The following ZNF705G variants were observed in gnomAD, a reference collection of about 807,000 sequenced individuals.
ZNF705G encodes the protein putative zinc finger protein 705G.
ZNF705G carries 23 observed loss-of-function variants against 19.6 expected under a neutral mutation model. That is an observed-to-expected ratio of 1.17 (90% CI 0.84 to 1.66). The LOEUF is 1.66. Ranked by LOEUF, ZNF705G falls within the 40% of genes most tolerant of loss-of-function variation. The pLI, the probability that ZNF705G is intolerant of heterozygous loss-of-function variation, is 0.00. For missense variants in ZNF705G, 457 were observed against 354.4 expected (o/e 1.29, Z -2.32); for synonymous variants, 146 against 117.7 (o/e 1.24, Z -1.56).
chr8:7,360,133 T>C, intron 5 of ZNF705G, 104 bp downstream of exon 5: 6 of 1,326,924 alleles, frequency 4.5e-6, no homozygotes, highest in Non-Finnish European at 6.2e-6. Context: ...ACCTACATTT[T>C]AGAAATTATC....
At position 7,357,725 on chromosome 8, in the gene ZNF705G, C is replaced by T; in HGVS notation, c.*251G>A. On this transcript the variant is annotated 3_prime_UTR_variant, in exon 7 of 7. Coordinates refer to ENST00000400156, the MANE Select transcript of ZNF705G (RefSeq NM_001164457.3). ...ACTGAAGTATCTTCCATGTTGATTA[C>T]AGTATTTCTTCAAAATGTGAGTCCT... 1.5e-6 allele frequency: 1 copy of T among 668,082 alleles called. No homozygotes were observed. Among genetic ancestry groups the T allele is most frequent in the Admixed American group, 3.1e-5 (1 of 32,448 alleles). The allele number at this position is 668,082 out of a possible 1,614,324, so 41.4% of individuals were successfully genotyped here.
intron 2 of ZNF705G, among the ~76,000 whole-genome samples, chr8:7,368,040 T>G (rs1480711977): frequency 6.7e-6 from 1 of 149,666 alleles, no homozygotes; most frequent in African/African-American, 2.6e-5. Context: ...TCTTAAAGTC[T>G]TCAGATGCTC....
chr8:7,368,394 A>C (rs182802128), intron 2 of ZNF705G, among the ~76,000 whole-genome samples: 20 of 149,774 alleles, frequency 1.3e-4, no homozygotes, highest in Admixed American at 6.6e-4. Context: ...GACAAACTAG[A>C]GTCTTCTGGA....
intron 2 of ZNF705G, among the ~76,000 whole-genome samples, chr8:7,365,250 A>G (rs1048055475): frequency 6.7e-6 from 1 of 149,670 alleles, no homozygotes; most frequent in Non-Finnish European, 1.5e-5. Flanking sequence ...TAAAATTTTC[A>G]TTAATTCGTG....
At chr8:7,365,897 C>G (rs1806834230) in intron 2 of ZNF705G, among the ~76,000 whole-genome samples, 1 of 149,460 alleles carries the variant, frequency 6.7e-6, no homozygotes, top group Non-Finnish European at 1.5e-5. Flanking sequence ...TAACTGATGT[C>G]TATATTGTTT....
rs1418515531 is a variant in ZNF705G at position 7,355,902 on chromosome 8, C to T, written c.*2074G>A. The T allele has an allele frequency of 1.3e-5, 2 of 149,594 alleles. No homozygotes were observed. The highest frequency in any genetic ancestry group is 2.9e-5 in the Non-Finnish European group (2 of 68,024). The allele number at this position is 149,594 out of a possible 1,614,324, so 9.3% of individuals were successfully genotyped here. On this transcript the variant is annotated 3_prime_UTR_variant, in exon 7 of 7. Transcript: ENST00000400156. ...TCATTATCCTCACACTTGACATAAA[C>T]CCTGGCTGCAGAGTAAAATCAATCA...
At chr8:7,362,903 A>C in intron 3 of ZNF705G, 32 bp downstream of exon 3, 1 of 1,582,670 alleles carries the variant, frequency 6.3e-7, no homozygotes, top group East Asian at 2.2e-5. Context: ...ATATGGGTAT[A>C]ATTTCAGTAG....
chr8:7,360,841 C>A (rs1806549089), intron 4 of ZNF705G, among the ~76,000 whole-genome samples: 1 of 149,368 alleles, frequency 6.7e-6, no homozygotes, highest in Non-Finnish European at 1.5e-5. Context: ...GTTCCCAGGT[C>A]TGTTATGAGT....
chr8:7,383,396 G>A lies in ZNF705G; in HGVS notation c.-221-1795C>T, dbSNP rs1450175048. On this transcript the variant is annotated intron_variant, in intron 1 of 6. Transcript: ENST00000400156. The stretch of plus-strand genomic sequence containing the variant: ...ACATCTCTCTTCTTCTCTACACTGT[G>A]AGCTTCTAAAGTAACAGGCACTGTC... 1.4e-5 allele frequency among the ~76,000 whole-genome samples: 2 copies of A among 146,366 alleles called. 1 individual carries two copies. The highest frequency in any genetic ancestry group is 5.6e-5 in the African/African-American group (2 of 35,910).
At position 7,374,923 on chromosome 8, in the gene ZNF705G, C is replaced by T. The variant is rs1807199852; in HGVS notation, c.-72+6529G>A. On this transcript the variant is annotated intron_variant, in intron 2 of 6. Transcript: ENST00000400156. ...AATACACAAGGTTTACAAGAAAGAA[C>T]AAATGAAAACGAAAGATTTTTAAAA... is the stretch of plus-strand genomic sequence containing the variant. Among the ~76,000 whole-genome samples, 3 of 94,526 alleles carry T rather than the reference C, an allele frequency of 3.2e-5. 1 individual carries two copies. The highest frequency in any genetic ancestry group is 6.2e-5 in the Non-Finnish European group (3 of 48,182). 62.0% of individuals were successfully genotyped at this position (94,526 alleles called of 152,430 possible). A position where few individuals can be genotyped will look rare whatever the true frequency, so the allele number is the denominator to read the frequency against.
intron 2 of ZNF705G, among the ~76,000 whole-genome samples, chr8:7,366,489 C>T (rs1385127835): frequency 6.7e-6 from 1 of 149,296 alleles, no homozygotes; most frequent in Non-Finnish European, 1.5e-5. Flanking sequence ...TAAAATACAG[C>T]AATAGAAGAC....
rs1332804460 is a variant in ZNF705G at position 7,359,281 on chromosome 8, T to A, written c.318+338A>T. On this transcript the variant is annotated intron_variant, in intron 6 of 6. Transcript: ENST00000400156. ...GACTTGTCTTGTCATTTTTCTCGAT[T>A]GACAATTGCATACACATTATCTCCT... is the stretch of plus-strand genomic sequence containing the variant. 2.0e-5 allele frequency among the ~76,000 whole-genome samples: 3 copies of A among 149,688 alleles called. 1 individual carries two copies. Among genetic ancestry groups the A allele is most frequent in the Admixed American group, 6.6e-5 (1 of 15,230 alleles).
intron 3 of ZNF705G, among the ~76,000 whole-genome samples, 179 bp downstream of exon 3, chr8:7,362,756 C>T (rs1322092889): frequency 1.3e-5 from 2 of 149,172 alleles, no homozygotes; most frequent in Non-Finnish European, 2.9e-5. Flanking sequence ...TAATGGGGGG[C>T]CAGATACCTG....
At chr8:7,370,779 C>A (rs1317047159) in intron 2 of ZNF705G, among the ~76,000 whole-genome samples, 1 of 119,744 alleles carries the variant, frequency 8.4e-6, no homozygotes. Context: ...TTCATTGCAG[C>A]ACTATTCACA....
At chr8:7,368,381 C>A (rs537326652) in intron 2 of ZNF705G, among the ~76,000 whole-genome samples, 9 of 149,508 alleles carry the variant, frequency 6.0e-5, no homozygotes, top group Non-Finnish European at 1.2e-4. Flanking sequence ...CAACAAGAAA[C>A]CAGACAAACT....
intron 6 of ZNF705G, 55 bp downstream of exon 6, chr8:7,359,564 A>T: frequency 6.2e-7 from 1 of 1,600,252 alleles, no homozygotes; most frequent in South Asian, 1.1e-5. Flanking sequence ...TACTAACTTA[A>T]TCCATTAACA....
At chr8:7,363,954 C>T (rs1210103671) in intron 2 of ZNF705G, among the ~76,000 whole-genome samples, 1 of 149,534 alleles carries the variant, frequency 6.7e-6, no homozygotes, top group Non-Finnish European at 1.5e-5. Flanking sequence ...TACCCCGAGT[C>T]ATGGTGTTTC....
intron 3 of ZNF705G, among the ~76,000 whole-genome samples, chr8:7,361,461 G>A (rs188289142): frequency 6.7e-6 from 1 of 149,746 alleles, no homozygotes; most frequent in Non-Finnish European, 1.5e-5. Flanking sequence ...AATATCACAT[G>A]AGGTGTGGCA....
chr8:7,357,369 C>T lies in ZNF705G; in HGVS notation c.*607G>A, dbSNP rs1053833541. 6.4e-6 allele frequency: 1 copy of T among 155,488 alleles called. No homozygotes were observed. Among genetic ancestry groups the T allele is most frequent in the South Asian group, 1.9e-4 (1 of 5,238 alleles). 9.6% of individuals were successfully genotyped at this position (155,488 alleles called of 1,614,324 possible). On this transcript the variant is annotated 3_prime_UTR_variant, in exon 7 of 7. Transcript: ENST00000400156. Reference sequence around the variant, plus strand: ...TTTAGCAGCATTTTGTCACTCTTCTCTTGTGAACATCAAGCCTGGTGCTTG... The same window carrying T: ...TTTAGCAGCATTTTGTCACTCTTCTTTTGTGAACATCAAGCCTGGTGCTTG...
Sources: gnomAD v4.1 joint callset for allele counts (sites outside exome capture counted in the v4.1 genomes callset) on GRCh38, gnomAD v4.1.1 for gene constraint, MANE v1.5 for transcripts, NCBI Gene and HGNC (gene_info 2026-07-23, HGNC 2026-07-21) for gene names.